The following NCOA2 variants were observed in gnomAD, a reference collection of about 807,000 sequenced individuals.
The protein encoded by NCOA2 is nuclear receptor coactivator 2.
A neutral mutation model predicts 145.1 loss-of-function variants in NCOA2; 21 were observed. The observed-to-expected ratio is 0.14, with a 90% CI of 0.10 to 0.21. The LOEUF is 0.21. NCOA2 is among the 10% of genes least tolerant of loss of function. The probability of loss-of-function intolerance (pLI) is 1.00; values close to 1 mark genes in which losing one functional copy is unlikely to be tolerated. For synonymous variants in NCOA2, 619 were observed against 637.5 expected (o/e 0.97, Z 0.44); for missense variants, 1,472 against 1,837.6 (o/e 0.80, Z 3.64).
chr8:70,176,780 C>A (rs1814900840), intron 4 of NCOA2, among the ~76,000 whole-genome samples: 1 of 152,184 alleles, frequency 6.6e-6, no homozygotes, highest in Non-Finnish European at 1.5e-5. Flanking sequence ...CAAGGGCCAT[C>A]TTGCTACAGT....
At chr8:70,196,147 G>A (rs1817283753) in intron 4 of NCOA2, among the ~76,000 whole-genome samples, 1 of 152,178 alleles carries the variant, frequency 6.6e-6, no homozygotes, top group African/African-American at 2.4e-5. Context: ...GGAGGCCAAG[G>A]CAGGCAGATC....
chr8:70,209,166 G>A (rs1818764492), intron 4 of NCOA2, among the ~76,000 whole-genome samples: 1 of 152,212 alleles, frequency 6.6e-6, no homozygotes, highest in South Asian at 2.1e-4. Context: ...TGACTTCAGT[G>A]GAGGAAGTAA....
At chr8:70,280,918 G>C (rs114127448) in intron 2 of NCOA2, among the ~76,000 whole-genome samples, 2 of 151,878 alleles carry the variant, frequency 1.3e-5, no homozygotes, top group African/African-American at 4.8e-5. Flanking sequence ...GCCAGTGTGA[G>C]CTCTGTGGAG....
rs189834223 is a variant in NCOA2 at position 70,335,815 on chromosome 8, C to A, written c.-76-39015G>T. Among the ~76,000 whole-genome samples, 137 of 152,236 alleles carry A rather than the reference C, an allele frequency of 9.0e-4. 4 individuals carry two copies. The highest frequency in any genetic ancestry group is 7.8e-3 in the Admixed American group (120 of 15,294). On this transcript the variant is annotated intron_variant, in intron 1 of 22. Coordinates refer to ENST00000452400, the MANE Select transcript of NCOA2 (RefSeq NM_006540.4). ...AACCTAGATGGTGGAGCCTGCTACA[C>A]ACCGAGGCTATATGGTATAGCCTAT...
chr8:70,452,741 A>G, the NCOA2 span, among the ~76,000 whole-genome samples: 1 of 152,048 alleles, frequency 6.6e-6, no homozygotes, highest in Non-Finnish European at 1.5e-5. Flanking sequence ...GAAAAAAAAA[A>G]GCCAACACCA....
At chr8:70,191,858 T>C (rs1816725781) in intron 4 of NCOA2, among the ~76,000 whole-genome samples, 1 of 152,056 alleles carries the variant, frequency 6.6e-6, no homozygotes, top group Non-Finnish European at 1.5e-5. Flanking sequence ...CTGGCCAACA[T>C]GGCGAAACCC....
At chr8:70,439,209 A>G in the NCOA2 span, among the ~76,000 whole-genome samples, 10 of 152,206 alleles carry the variant, frequency 6.6e-5, no homozygotes, top group African/African-American at 2.4e-4. Context: ...ATGGAGTGCT[A>G]CTATGTCCAA....
chr8:70,331,577 TA>T (rs1807103836), intron 1 of NCOA2, among the ~76,000 whole-genome samples: 1 of 152,180 alleles, frequency 6.6e-6, no homozygotes, highest in East Asian at 1.9e-4. Context: ...GTGAAACTTC[TA>T]AAAAGTCTAA....
intron 1 of NCOA2, among the ~76,000 whole-genome samples, chr8:70,386,560 A>G (rs909213355): frequency 6.6e-6 from 1 of 152,244 alleles, no homozygotes; most frequent in Non-Finnish European, 1.5e-5. Flanking sequence ...CAAGAGTTCT[A>G]CACACTGTAT....
chr8:70,203,001 A>G (rs1052897283), intron 4 of NCOA2, among the ~76,000 whole-genome samples: 8 of 152,166 alleles, frequency 5.3e-5, no homozygotes, highest in African/African-American at 1.9e-4. Context: ...GTGGTGGCTC[A>G]TGCCTGTAAT....
chr8:70,368,134 T>C (rs1810885761), intron 1 of NCOA2, among the ~76,000 whole-genome samples: 1 of 152,218 alleles, frequency 6.6e-6, no homozygotes, highest in Non-Finnish European at 1.5e-5. Flanking sequence ...GCTGCAACAA[T>C]TTCAAAACCT....
chr8:70,372,678 G>C (rs1036510334), intron 1 of NCOA2, among the ~76,000 whole-genome samples: 2 of 152,078 alleles, frequency 1.3e-5, no homozygotes, highest in Non-Finnish European at 2.9e-5. Context: ...GTGTAAGTCT[G>C]GTATGTTTTA....
intron 1 of NCOA2, among the ~76,000 whole-genome samples, chr8:70,297,818 G>A (rs1488086587): frequency 1.3e-5 from 2 of 152,122 alleles, no homozygotes; most frequent in Admixed American, 6.5e-5. Flanking sequence ...GCAGCTTTTC[G>A]TCTGATCCTT....
At chr8:70,410,957 G>A in the NCOA2 span, among the ~76,000 whole-genome samples, 2 of 152,120 alleles carry the variant, frequency 1.3e-5, no homozygotes, top group South Asian at 4.2e-4. Flanking sequence ...AAATATTCTG[G>A]GGTGATTAAT....
At chr8:70,422,831 C>T in the NCOA2 span, among the ~76,000 whole-genome samples, 9 of 152,014 alleles carry the variant, frequency 5.9e-5, no homozygotes, top group Admixed American at 5.9e-4. Context: ...TTTTCACTAT[C>T]ATATCTTTCA....
intron 1 of NCOA2, among the ~76,000 whole-genome samples, chr8:70,381,621 AAAT>A (rs779778527): frequency 1.2e-4 from 18 of 152,362 alleles, no homozygotes; most frequent in African/African-American, 2.6e-4. Context: ...ACCAAATGTA[AAAT>A]AATAATATTT....
the NCOA2 span, among the ~76,000 whole-genome samples, chr8:70,411,616 A>T: frequency 6.6e-6 from 1 of 152,266 alleles, no homozygotes; most frequent in Admixed American, 6.5e-5. Context: ...AATGAATTAC[A>T]GCATTTTTGT....
chr8:70,221,565 T>C (rs1483912279), intron 2 of NCOA2, among the ~76,000 whole-genome samples: 1 of 152,148 alleles, frequency 6.6e-6, no homozygotes, highest in Non-Finnish European at 1.5e-5. Flanking sequence ...TAGGCCAAAC[T>C]TGGGAAGTCA....
intron 4 of NCOA2, among the ~76,000 whole-genome samples, chr8:70,189,558 T>A (rs1009774701): frequency 7.2e-5 from 11 of 152,222 alleles, no homozygotes; most frequent in African/African-American, 1.9e-4. Flanking sequence ...CTGAACAGGC[T>A]GTACAGCAGC....
Sources: allele counts gnomAD v4.1 joint callset (sites outside exome capture counted in the v4.1 genomes callset), GRCh38; gene constraint gnomAD v4.1.1; transcripts MANE v1.5; gene names NCBI Gene and HGNC (gene_info 2026-07-23, HGNC 2026-07-21).